Variants in BICD1 observed in about 807,000 individuals in gnomAD.
The protein encoded by BICD1 is protein bicaudal D homolog 1.
In BICD1, 35 loss-of-function variants were observed where a neutral mutation model predicts 92.5. The observed-to-expected ratio is 0.38, with a 90% CI of 0.29 to 0.50. BICD1 has a LOEUF of 0.50. Among genes scored for constraint, BICD1 ranks in the 20% least tolerant of loss-of-function variants. BICD1 has a pLI of 0.93. For synonymous variants in BICD1, 429 were observed against 465.1 expected (o/e 0.92, Z 1.00); for missense variants, 950 against 1,189.8 (o/e 0.80, Z 2.97).
chr12:32,296,051 G>A (rs1947858823), intron 3 of BICD1, among the ~76,000 whole-genome samples: 1 of 152,048 alleles, frequency 6.6e-6, no homozygotes, highest in African/African-American at 2.4e-5. Context: ...AAGGGCTACT[G>A]GAGTATCCCC....
intron 9 of BICD1, 131 bp from the exon 10 acceptor site, chr12:32,377,409 G>A: frequency 4.2e-6 from 3 of 716,304 alleles, no homozygotes; most frequent in Non-Finnish European, 4.8e-6. Flanking sequence ...GCTTTAGATG[G>A]AAACCATTTA....
chr12:32,206,203 A>C (rs1945051511), intron 1 of BICD1, among the ~76,000 whole-genome samples: 1 of 152,262 alleles, frequency 6.6e-6, no homozygotes, highest in African/African-American at 2.4e-5. Context: ...TTGGATAAAT[A>C]AATACCTAGG....
In BICD1 at chr12:32,111,711, C is replaced by T. The variant is rs538646365; in HGVS notation, c.213+4167C>T. On this transcript the variant is annotated intron_variant, in intron 1 of 9. Transcript: ENST00000652176. Reference sequence around the variant, plus strand: ...CAAGCTCCACCTCCCGGGTTCACGCCATTCTCCTGCCTCAGCCTCCGGAGT... The same window carrying T: ...CAAGCTCCACCTCCCGGGTTCACGCTATTCTCCTGCCTCAGCCTCCGGAGT... Among the ~76,000 whole-genome samples the T allele has an allele frequency of 7.8e-4, 118 of 150,940 alleles. No homozygotes were observed. In the South Asian group the frequency reaches 9.3e-3, roughly 12 times the overall value.
intron 2 of BICD1, among the ~76,000 whole-genome samples, chr12:32,256,177 T>G (rs996510722): frequency 2.6e-5 from 4 of 152,118 alleles, no homozygotes; most frequent in African/African-American, 9.7e-5. Context: ...CTCAGCCTCC[T>G]GAGTAGGCAG....
chr12:32,260,130 G>T (rs1359711502), intron 2 of BICD1, among the ~76,000 whole-genome samples: 1 of 151,942 alleles, frequency 6.6e-6, no homozygotes, highest in Non-Finnish European at 1.5e-5. Context: ...TCTTCATGTT[G>T]ATCAGGCTGG....
At chr12:32,320,470 C>T (rs910297587) in intron 4 of BICD1, among the ~76,000 whole-genome samples, 1 of 152,010 alleles carries the variant, frequency 6.6e-6, no homozygotes, top group Non-Finnish European at 1.5e-5. Flanking sequence ...GGTGAAACCC[C>T]ATCTCTACTA....
intron 4 of BICD1, among the ~76,000 whole-genome samples, chr12:32,308,223 C>T (rs942924265): frequency 1.3e-5 from 2 of 152,226 alleles, no homozygotes; most frequent in African/African-American, 4.8e-5. Flanking sequence ...GGCGGTTCCT[C>T]ATTGCCAGAG....
At chr12:32,211,297 C>A (rs1466135244) in intron 1 of BICD1, among the ~76,000 whole-genome samples, 1 of 152,176 alleles carries the variant, frequency 6.6e-6, no homozygotes, top group Non-Finnish European at 1.5e-5. Context: ...CCAAGTTCTT[C>A]ATAAATATCA....
intron 8 of BICD1, among the ~76,000 whole-genome samples, chr12:32,346,536 GTATATA>G (rs59893108): frequency 0.025 from 590 of 23,944 alleles, 47 homozygotes; most frequent in East Asian, 0.14. Context: ...ATATATACGT[GTATATA>G]TATATATATA....
At chr12:32,214,059 T>A (rs1356807681) in intron 1 of BICD1, among the ~76,000 whole-genome samples, 1 of 152,240 alleles carries the variant, frequency 6.6e-6, no homozygotes, top group East Asian at 1.9e-4. Flanking sequence ...ATTATGTTAA[T>A]GTGGATATAT....
At chr12:32,348,611 G>A (rs1331102715) in intron 8 of BICD1, among the ~76,000 whole-genome samples, 1 of 151,404 alleles carries the variant, frequency 6.6e-6, no homozygotes, top group African/African-American at 2.4e-5. Context: ...GGAGTAACAG[G>A]GAGGAACAGG....
intron 2 of BICD1, among the ~76,000 whole-genome samples, chr12:32,288,545 C>T (rs1014899853): frequency 1.3e-5 from 2 of 152,092 alleles, no homozygotes; most frequent in African/African-American, 4.8e-5. Flanking sequence ...CCACTGTGCC[C>T]AGCCTATGTC....
intron 2 of BICD1, among the ~76,000 whole-genome samples, chr12:32,253,510 A>G (rs962962012): frequency 6.6e-6 from 1 of 151,942 alleles, no homozygotes; most frequent in African/African-American, 2.4e-5. Context: ...TTATTTTTAT[A>G]GTAAAAGTGA....
chr12:32,167,001 G>A (rs1775467075), intron 1 of BICD1, among the ~76,000 whole-genome samples: 1 of 152,192 alleles, frequency 6.6e-6, no homozygotes. Context: ...GTTTGCATTG[G>A]TTATCCTTGG....
intron 2 of BICD1, among the ~76,000 whole-genome samples, chr12:32,282,403 T>C (rs900940494): frequency 4.6e-5 from 7 of 151,834 alleles, no homozygotes; most frequent in Admixed American, 4.6e-4. Context: ...GTATTTTTTG[T>C]AGAGTCAGGG....
At chr12:32,322,638 T>C (rs1308982789) in intron 4 of BICD1, among the ~76,000 whole-genome samples, 1 of 152,132 alleles carries the variant, frequency 6.6e-6, no homozygotes, top group African/African-American at 2.4e-5. Context: ...TCCTGTTGTG[T>C]AGGGAGGAAA....
At chr12:32,231,347 G>A (rs1414847539) in intron 2 of BICD1, among the ~76,000 whole-genome samples, 1 of 152,008 alleles carries the variant, frequency 6.6e-6, no homozygotes, top group Non-Finnish European at 1.5e-5. Context: ...GCAGGGCATG[G>A]TGGCGTGTGC....
chr12:32,308,462 G>A lies in BICD1; in HGVS notation c.1005+2340G>A, dbSNP rs374323668. Among the ~76,000 whole-genome samples the A allele has an allele frequency of 2.4e-4, 37 of 152,308 alleles. 1 individual carries two copies. The East Asian group carries it at 4.0e-3, about 17-fold the overall frequency. On this transcript the variant is annotated intron_variant, in intron 4 of 9. Coordinates refer to ENST00000652176, the MANE Select transcript of BICD1 (RefSeq NM_001714.4). ...TGTCATGAAGGTTTATGAGTTATAT[G>A]CAGAGTGCTGAGAACAGGGACTAGT...
At chr12:32,202,304 A>G (rs1006234735) in intron 1 of BICD1, among the ~76,000 whole-genome samples, 2 of 152,240 alleles carry the variant, frequency 1.3e-5, no homozygotes, top group Admixed American at 6.5e-5. Flanking sequence ...CAAGGGGCCC[A>G]GTAGGCAATT....
Sources: allele counts gnomAD v4.1 joint callset (sites outside exome capture counted in the v4.1 genomes callset), GRCh38; gene constraint gnomAD v4.1.1; transcripts MANE v1.5; gene names NCBI Gene and HGNC (gene_info 2026-07-23, HGNC 2026-07-21).